The following RNF187 variants were observed in gnomAD, a reference collection of about 807,000 sequenced individuals.
RNF187 encodes E3 ubiquitin-protein ligase RNF187.
In RNF187, 18 loss-of-function variants were observed where a neutral mutation model predicts 22.2. That is an observed-to-expected ratio of 0.81 (90% confidence interval 0.56 to 1.20). RNF187 has a LOEUF of 1.20. Ranked by LOEUF, RNF187 falls within the 50% of genes most tolerant of loss-of-function variation. The pLI is 0.00. For synonymous variants in RNF187, 164 were observed against 140.9 expected, an observed-to-expected ratio of 1.16 and a Z score of -1.16; for missense variants, 329 against 317.6, an observed-to-expected ratio of 1.04 and a Z score of -0.27.
Position 228,493,038 on chromosome 1 carries a change from G to T in RNF187, c.484-15G>T. On this transcript the variant is annotated splice_polypyrimidine_tract_variant and intron_variant, in intron 2 of 3. Coordinates refer to ENST00000305943, the MANE Select transcript of RNF187 (RefSeq NM_001010858.3). This position sits in a 1 kb window ranked among gnomAD's most constrained non-coding sequence, Gnocchi z 4.7. ...TGGGTGAGGACACAGGTCTTTTCCT[G>T]CCACCCGTTTGCAGGGACACGTGAT... is the stretch of plus-strand genomic sequence containing the variant. The T allele has an allele frequency of 6.5e-7, 1 of 1,530,446 alleles. No individual in the cohort carries two copies. The allele number at this position is 1,530,446 out of a possible 1,614,324, so 94.8% of individuals were successfully genotyped here. A position where few individuals can be genotyped will look rare whatever the true frequency, so the allele number is the denominator to read the frequency against.
At chr1:228,491,829 T>C in intron 2 of RNF187, among the ~76,000 whole-genome samples, 1 of 152,136 alleles carries the variant, frequency 6.6e-6, no homozygotes, top group African/African-American at 2.4e-5. Flanking sequence ...ATCACTTATA[T>C]ACTGACTTGG....
intron 2 of RNF187, among the ~76,000 whole-genome samples, chr1:228,492,203 A>G: frequency 2.6e-5 from 4 of 151,604 alleles, no homozygotes; most frequent in African/African-American, 9.7e-5. Flanking sequence ...GGTGTGCACC[A>G]CTATGCCTGG....
Position 228,493,226 on chromosome 1 carries a change from G to T in RNF187, c.657G>T (p.Ser219=), listed in dbSNP as rs1287085958. The stretch of plus-strand genomic sequence containing the variant: ...TCAGGTCACTGCTGCAGGCGGTCTC[G>T]GAGCTGGAGAAGAAGCATCGCAACC... Residue 219 remains serine (S), a synonymous_variant, in exon 3 of 4, where the codon TCG becomes TCT. Coordinates refer to ENST00000305943, the MANE Select transcript of RNF187 (RefSeq NM_001010858.3). The surrounding 1 kb of genome is among the most constrained non-coding windows in gnomAD (Gnocchi z 4.7). The T allele has an allele frequency of 6.4e-7, 1 of 1,551,514 alleles. No homozygotes were observed. Among genetic ancestry groups the T allele is most frequent in the Admixed American group, 2.0e-5 (1 of 51,012 alleles).
Position 228,489,056 on chromosome 1 carries a change from A to G in RNF187, c.483+4A>G. 4 of 1,545,762 alleles carry G rather than the reference A, an allele frequency of 2.6e-6. No individual in the cohort carries two copies. The highest frequency in any genetic ancestry group is 3.5e-6 in the Non-Finnish European group (4 of 1,146,508). On this transcript the variant is annotated splice_donor_region_variant and intron_variant, in intron 2 of 3. Coordinates refer to ENST00000305943, the MANE Select transcript of RNF187 (RefSeq NM_001010858.3). ...GTCAGCAGCTGCAGTGTGGAAGGCAAGTGGGGGGACCTGGGGCAGCCTGGA... is the reference window on the plus strand; with the variant it reads ...GTCAGCAGCTGCAGTGTGGAAGGCAGGTGGGGGGACCTGGGGCAGCCTGGA...
At position 228,495,411 on chromosome 1, in the gene RNF187, A is replaced by G; in HGVS notation, c.*1526A>G. 3.2e-6 allele frequency: 3 copies of G among 924,750 alleles called. No individual in the cohort carries two copies. Among genetic ancestry groups the G allele is most frequent in the Non-Finnish European group, 3.9e-6 (3 of 774,748 alleles). The allele number at this position is 924,750 out of a possible 1,614,324, so 57.3% of individuals were successfully genotyped here. On this transcript the variant is annotated 3_prime_UTR_variant, in exon 4 of 4. Transcript: ENST00000305943. ...AAAACTGGATTTCATAAGAAAGGGC[A>G]AAGAGGGCCCTAGGAGAAGATTCCA... is the stretch of plus-strand genomic sequence containing the variant.
Position 228,493,162 on chromosome 1 carries a change from G to A in RNF187, c.593G>A (p.Gly198Glu). The A allele has an allele frequency of 6.4e-7, 1 of 1,551,736 alleles. No individual in the cohort carries two copies. The highest frequency in any genetic ancestry group is 1.4e-5 in the African/African-American group (1 of 73,182). ...CTGCAGGAGGCTGAGAAGGAGGAGG[G>A]GCTCCCTGAGGACGAGCTGGCTGAC... The change falls in exon 3 of 4, where the codon GGG (glycine) becomes GAG (glutamate). Residue 198 changes from glycine (G) to glutamate (E), a missense_variant. Transcript: ENST00000305943. The surrounding 1 kb of genome is among the most constrained non-coding windows in gnomAD (Gnocchi z 4.7).
Position 228,491,671 on chromosome 1 carries a change from C to T in RNF187, c.484-1382C>T. Reference sequence around the variant, plus strand: ...GCCAGGCTGGTCTTGAACTCCTGACCTCAAGTGATCCAACCACCTCGGCCT... The same window carrying T: ...GCCAGGCTGGTCTTGAACTCCTGACTTCAAGTGATCCAACCACCTCGGCCT... On this transcript the variant is annotated intron_variant, in intron 2 of 3. Transcript: ENST00000305943. Among the ~76,000 whole-genome samples, 4 of 152,178 alleles carry T rather than the reference C, an allele frequency of 2.6e-5. No homozygotes were observed. The East Asian group carries it at 5.8e-4, about 22-fold the overall frequency.
chr1:228,495,424 G>A lies in RNF187; in HGVS notation c.*1539G>A. 1 of 966,402 alleles carries A rather than the reference G, an allele frequency of 1.0e-6. No individual in the cohort carries two copies. Among genetic ancestry groups the A allele is most frequent in the Non-Finnish European group, 1.2e-6 (1 of 812,636 alleles). 59.9% of individuals were successfully genotyped at this position (966,402 alleles called of 1,614,324 possible). ...ATAAGAAAGGGCAAAGAGGGCCCTA[G>A]GAGAAGATTCCAGAGCCTGGCCAGA... On this transcript the variant is annotated 3_prime_UTR_variant, in exon 4 of 4. Transcript: ENST00000305943.
intron 2 of RNF187, 62 bp from the exon 3 acceptor site, chr1:228,492,991 G>T: frequency 6.8e-7 from 1 of 1,473,568 alleles, no homozygotes. Flanking sequence ...GAGCAAACAG[G>T]TTCCCCTTCC....
In RNF187 at chr1:228,494,293, T is replaced by C; in HGVS notation, c.*408T>C. The stretch of plus-strand genomic sequence containing the variant: ...CAGGTACCTGAGGTGCACCATTGAG[T>C]GTCGGATTTGGGGTTAGCATCCAGA... On this transcript the variant is annotated 3_prime_UTR_variant, in exon 4 of 4. Transcript: ENST00000305943. 8 of 1,118,948 alleles carry C rather than the reference T, an allele frequency of 7.1e-6. No individual in the cohort carries two copies. The highest frequency in any genetic ancestry group is 2.2e-6 in the Non-Finnish European group (2 of 908,316). 69.3% of individuals were successfully genotyped at this position (1,118,948 alleles called of 1,614,324 possible).
At chr1:228,489,259 GA>G in intron 2 of RNF187, among the ~76,000 whole-genome samples, 1 of 152,192 alleles carries the variant, frequency 6.6e-6, no homozygotes, top group African/African-American at 2.4e-5. Flanking sequence ...AAAGCCAGTG[GA>G]AGCCTCTTTT....
In RNF187 at chr1:228,493,192, C is replaced by T. The variant is rs1174733272; in HGVS notation, c.623C>T (p.Thr208Ile). 1.3e-6 allele frequency: 2 copies of T among 1,551,690 alleles called. No homozygotes were observed. The highest frequency in any genetic ancestry group is 2.0e-5 in the Admixed American group (1 of 51,016). The stretch of plus-strand genomic sequence containing the variant: ...CCTGAGGACGAGCTGGCTGACCCCA[C>T]TGAGCGGTTCAGGTCACTGCTGCAG... The change falls in exon 3 of 4, where the codon ACT (threonine) becomes ATT (isoleucine). Residue 208 changes from threonine to isoleucine, a missense_variant. By Grantham distance (89) the Thr-to-Ile change is moderately conservative (BLOSUM62 -1). Transcript: ENST00000305943. This position sits in a 1 kb window ranked among gnomAD's most constrained non-coding sequence, Gnocchi z 4.7.
In RNF187 at chr1:228,487,874, G is replaced by T. The variant is rs1208511127; in HGVS notation, c.386G>T (p.Gly129Val). 3 of 1,220,730 alleles carry T rather than the reference G, an allele frequency of 2.5e-6. No individual in the cohort carries two copies. Among genetic ancestry groups the T allele is most frequent in the African/African-American group, 3.2e-5 (2 of 62,628 alleles). The allele number at this position is 1,220,730 out of a possible 1,614,324, so 75.6% of individuals were successfully genotyped here. A position where few individuals can be genotyped will look rare whatever the true frequency, so the allele number is the denominator to read the frequency against. The change falls in exon 1 of 4, where the codon GGC becomes GTC. Residue 129 changes from glycine (G) to valine (V), a missense_variant. By Grantham distance (109) the Gly-to-Val change is moderately radical. Transcript: ENST00000305943. ...CCGCGCTGGAGGAAGGCGCTGCGCGGCAAGGTGCGCGCCGCGGGGTCCCGT... is the reference window on the plus strand; with the variant it reads ...CCGCGCTGGAGGAAGGCGCTGCGCGTCAAGGTGCGCGCCGCGGGGTCCCGT...
Position 228,495,371 on chromosome 1 carries a change from AT to A in RNF187, c.*1488del. On this transcript the variant is annotated 3_prime_UTR_variant, in exon 4 of 4. Coordinates refer to ENST00000305943, the MANE Select transcript of RNF187 (RefSeq NM_001010858.3). Reference sequence around the variant, plus strand: ...GTGGTCAGATATTATGGTTAACCAAATTAGGGTTCTTGCTAAAACTGGATTT... The same window carrying A: ...GTGGTCAGATATTATGGTTAACCAAATAGGGTTCTTGCTAAAACTGGATTT... 2 of 668,998 alleles carry A rather than the reference AT, an allele frequency of 3.0e-6. No homozygotes were observed. Among genetic ancestry groups the A allele is most frequent in the Non-Finnish European group, 1.8e-6 (1 of 541,150 alleles). 41.4% of individuals were successfully genotyped at this position (668,998 alleles called of 1,614,324 possible). A position where few individuals can be genotyped will look rare whatever the true frequency, so the allele number is the denominator to read the frequency against.
chr1:228,496,153 C>G lies in RNF187; in HGVS notation c.*2268C>G. ...TCAGCCCCTGCTAACCACCGTTCTA[C>G]TCTCTAATTCTATAAATCAACATTT... On this transcript the variant is annotated 3_prime_UTR_variant, in exon 4 of 4. Transcript: ENST00000305943. 6.6e-6 allele frequency among the ~76,000 whole-genome samples: 1 copy of G among 152,250 alleles called. No individual in the cohort carries two copies. The highest frequency in any genetic ancestry group is 6.5e-5 in the Admixed American group (1 of 15,284).
Position 228,493,211 on chromosome 1 carries a change from G to A in RNF187, c.642G>A (p.Leu214=), listed in dbSNP as rs1292780336. 2 of 1,551,634 alleles carry A rather than the reference G, an allele frequency of 1.3e-6. No homozygotes were observed. The highest frequency in any genetic ancestry group is 1.7e-6 in the Non-Finnish European group (2 of 1,147,006). Residue 214 remains leucine (L), a synonymous_variant, in exon 3 of 4, where the codon CTG becomes CTA. Coordinates refer to ENST00000305943, the MANE Select transcript of RNF187 (RefSeq NM_001010858.3). The surrounding 1 kb of genome is among the most constrained non-coding windows in gnomAD (Gnocchi z 4.7). Reference sequence around the variant, plus strand: ...ACCCCACTGAGCGGTTCAGGTCACTGCTGCAGGCGGTCTCGGAGCTGGAGA... The same window carrying A: ...ACCCCACTGAGCGGTTCAGGTCACTACTGCAGGCGGTCTCGGAGCTGGAGA...
Position 228,493,779 on chromosome 1 carries a change from C to T in RNF187, c.706-104C>T. 1 of 1,242,728 alleles carries T rather than the reference C, an allele frequency of 8.0e-7. No individual in the cohort carries two copies. The highest frequency in any genetic ancestry group is 1.2e-6 in the Non-Finnish European group (1 of 867,000). 77.0% of individuals were successfully genotyped at this position (1,242,728 alleles called of 1,614,324 possible). A position where few individuals can be genotyped will look rare whatever the true frequency, so the allele number is the denominator to read the frequency against. On this transcript the variant is annotated intron_variant, in intron 3 of 3. Transcript: ENST00000305943. This position sits in a 1 kb window ranked among gnomAD's most constrained non-coding sequence, Gnocchi z 4.7. ...CAGGACAGTACCTCATGCGCTGTCT[C>T]ATGTGCGCTCTCTCTTTCGCTCTCT...
chr1:228,494,027 A>G lies in RNF187; in HGVS notation c.*142A>G. The G allele has an allele frequency of 4.6e-4, 716 of 1,544,168 alleles. 3 individuals carry two copies. The highest frequency in any genetic ancestry group is 3.6e-3 in the East Asian group (145 of 40,802). On this transcript the variant is annotated 3_prime_UTR_variant, in exon 4 of 4. Transcript: ENST00000305943. ...ATCTACATAGTTGCGTGTTTCAACA[A>G]TGTCCATTTATCCTTCACCCCGAGG...
Position 228,494,126 on chromosome 1 carries a change from T to C in RNF187, c.*241T>C. 3 of 1,432,968 alleles carry C rather than the reference T, an allele frequency of 2.1e-6. 1 individual carries two copies. In the South Asian group the frequency reaches 4.3e-5, roughly 21 times the overall value. 88.8% of individuals were successfully genotyped at this position (1,432,968 alleles called of 1,614,324 possible). On this transcript the variant is annotated 3_prime_UTR_variant, in exon 4 of 4. Coordinates refer to ENST00000305943, the MANE Select transcript of RNF187 (RefSeq NM_001010858.3). ...ACCCTTCCCACCTGTGCCCGTCCCT[T>C]CCTGAAGTCCTAGCCACAGCCCATC...
Sources: gnomAD v4.1 joint callset for allele counts (sites outside exome capture counted in the v4.1 genomes callset) on GRCh38, gnomAD v4.1.1 for gene constraint, Gnocchi (gnomAD v3.1) non-coding constraint, MANE v1.5 for transcripts, NCBI Gene and HGNC (gene_info 2026-07-23, HGNC 2026-07-21) for gene names.